ARHGAP42: variants seen among roughly 807,000 people sequenced by gnomAD.
ARHGAP42 encodes the protein rho GTPase-activating protein 42.
ARHGAP42 carries 63 observed loss-of-function variants against 125.0 expected under a neutral mutation model. That is an observed-to-expected ratio of 0.50 (90% confidence interval 0.41 to 0.62). ARHGAP42 has a LOEUF of 0.62. Among genes scored for constraint, ARHGAP42 ranks in the 20% least tolerant of loss-of-function variants. The pLI, the probability that ARHGAP42 is intolerant of heterozygous loss-of-function variation, is 0.00. For synonymous variants in ARHGAP42, 339 were observed against 351.0 expected (o/e 0.97, Z 0.38); for missense variants, 766 against 1,024.2 (o/e 0.75, Z 3.44).
intron 4 of ARHGAP42, among the ~76,000 whole-genome samples, chr11:100,887,239 C>CTGAGTA (rs1427507393): frequency 3.9e-5 from 6 of 152,162 alleles, no homozygotes; most frequent in Non-Finnish European, 7.3e-5. Flanking sequence ...GGACCCAGTA[C>CTGAGTA]CGTGCTGAGT....
At chr11:100,974,665 G>A (rs1858343172) in intron 19 of ARHGAP42, 62 bp downstream of exon 19, 2 of 1,440,600 alleles carry the variant, frequency 1.4e-6, no homozygotes, top group Non-Finnish European at 9.3e-7. Context: ...GTATTTCACT[G>A]TATTGGTAAT....
At chr11:100,780,610 A>G (rs1863286502) in intron 2 of ARHGAP42, among the ~76,000 whole-genome samples, 2 of 152,224 alleles carry the variant, frequency 1.3e-5, no homozygotes, top group Non-Finnish European at 2.9e-5. Flanking sequence ...TAAGAGCGAC[A>G]TTGTTAAAGC....
rs868261498 is a variant in ARHGAP42, at chr11:100,853,831, A to G, written c.313-5723A>G. ...TTACCCCTATTAACTGCTCTTCTACAGTTAATAAGCTTTGACATCAAGTAT... is the reference window on the plus strand; with the variant it reads ...TTACCCCTATTAACTGCTCTTCTACGGTTAATAAGCTTTGACATCAAGTAT... On this transcript the variant is annotated intron_variant, in intron 3 of 23. Transcript: ENST00000298815. Among the ~76,000 whole-genome samples, 4 of 152,196 alleles carry G rather than the reference A, an allele frequency of 2.6e-5. No homozygotes were observed. In the South Asian group the frequency reaches 8.3e-4, roughly 32 times the overall value.
At chr11:100,837,926 T>TTTTTATTGTATTTTA (rs1864849325) in intron 3 of ARHGAP42, among the ~76,000 whole-genome samples, 1 of 116,792 alleles carries the variant, frequency 8.6e-6, no homozygotes, top group African/African-American at 3.3e-5. Flanking sequence ...GTCTAACAGG[T>TTTTTATTGTATTTTA]TTTTATTTTA....
intron 3 of ARHGAP42, among the ~76,000 whole-genome samples, chr11:100,827,586 A>G (rs1217601850): frequency 1.3e-5 from 2 of 152,154 alleles, no homozygotes; most frequent in Non-Finnish European, 2.9e-5. Context: ...AGGATGGGAA[A>G]CCTCATCAGT....
At chr11:100,856,517 A>G (rs1865325934) in intron 3 of ARHGAP42, among the ~76,000 whole-genome samples, 1 of 151,996 alleles carries the variant, frequency 6.6e-6, no homozygotes, top group African/African-American at 2.4e-5. Flanking sequence ...GGCATTTTCC[A>G]TTTTGATCTC....
intron 6 of ARHGAP42, among the ~76,000 whole-genome samples, chr11:100,925,910 C>T (rs1419015114): frequency 6.6e-6 from 1 of 152,064 alleles, no homozygotes; most frequent in Non-Finnish European, 1.5e-5. Flanking sequence ...AGAAACATCT[C>T]CTGACTCTTG....
At chr11:100,792,541 T>A (rs943832470) in intron 2 of ARHGAP42, among the ~76,000 whole-genome samples, 8 of 152,232 alleles carry the variant, frequency 5.3e-5, no homozygotes, top group Non-Finnish European at 1.0e-4. Context: ...GGCTTCATAC[T>A]GTTTTCATAC....
chr11:100,816,579 A>C (rs2135068417), intron 3 of ARHGAP42: 1 of 152,396 alleles, frequency 6.6e-6, no homozygotes, highest in Non-Finnish European at 1.5e-5. Context: ...TAAATGATTA[A>C]GAATGATGAT....
intron 1 of ARHGAP42, among the ~76,000 whole-genome samples, chr11:100,752,720 G>A (rs2407750): frequency 0.25 from 38,559 of 152,178 alleles, 5,115 homozygotes; most frequent in Non-Finnish European, 0.29. Context: ...TTGGTTATAA[G>A]TAGTCTTAGT....
chr11:100,777,444 CTTTG>C lies in ARHGAP42; in HGVS notation c.250+7009_250+7012del, dbSNP rs1260335859. Among the ~76,000 whole-genome samples the C allele has an allele frequency of 2.2e-4, 34 of 152,050 alleles. 1 individual carries two copies. The highest frequency in any genetic ancestry group is 7.4e-5 in the Non-Finnish European group (5 of 68,006). Reference sequence around the variant, plus strand: ...GTGGTTGGAAAATCTCATTCAGTTTCTTTGTTAGAAGAGTGACTGTGTAAAAAGG... The same window carrying C: ...GTGGTTGGAAAATCTCATTCAGTTTCTTAGAAGAGTGACTGTGTAAAAAGG... On this transcript the variant is annotated intron_variant, in intron 2 of 23. Coordinates refer to ENST00000298815, the MANE Select transcript of ARHGAP42 (RefSeq NM_152432.4).
intron 3 of ARHGAP42, among the ~76,000 whole-genome samples, chr11:100,822,064 G>A (rs1031237637): frequency 8.5e-5 from 13 of 152,060 alleles, no homozygotes; most frequent in Admixed American, 3.3e-4. Context: ...GTGACTCTAA[G>A]GGAATCCTTC....
intron 12 of ARHGAP42, among the ~76,000 whole-genome samples, chr11:100,959,551 A>G (rs1204196101): frequency 6.6e-6 from 1 of 152,128 alleles, no homozygotes; most frequent in African/African-American, 2.4e-5. Context: ...GTTTCAATAC[A>G]TAATAAGGAT....
At chr11:100,805,506 A>G (rs1863966986) in intron 3 of ARHGAP42, among the ~76,000 whole-genome samples, 1 of 152,194 alleles carries the variant, frequency 6.6e-6, no homozygotes, top group African/African-American at 2.4e-5. Context: ...GGGTTCTTGG[A>G]CCTTGTGCAA....
intron 2 of ARHGAP42, among the ~76,000 whole-genome samples, chr11:100,782,650 CT>C (rs746395456): frequency 6.6e-6 from 1 of 151,592 alleles, no homozygotes; most frequent in Non-Finnish European, 1.5e-5. Context: ...GGATAGTTAT[CT>C]AGGAATAGGA....
At chr11:100,697,786 T>C (rs1271032407) in intron 1 of ARHGAP42, among the ~76,000 whole-genome samples, 2 of 152,202 alleles carry the variant, frequency 1.3e-5, no homozygotes, top group Non-Finnish European at 2.9e-5. Context: ...TTTAGTTCGC[T>C]GTTGTGAGAA....
At chr11:100,913,424 A>AT in intron 4 of ARHGAP42, 28 bp from the exon 5 acceptor site, 1 of 1,121,088 alleles carries the variant, frequency 8.9e-7, no homozygotes, top group Non-Finnish European at 1.2e-6. Flanking sequence ...TGAGTTAAAT[A>AT]TTTTTTGTTG....
At chr11:100,975,848 GA>G (rs34253004) in intron 19 of ARHGAP42, among the ~76,000 whole-genome samples, 4 of 152,098 alleles carry the variant, frequency 2.6e-5, no homozygotes, top group African/African-American at 9.7e-5. Context: ...AAATAGCATT[GA>G]AAAATACGTT....
At chr11:100,875,107 CTGTGTGTGTGTGTGTGTGTGTGTG>C (rs67247250) in intron 4 of ARHGAP42, among the ~76,000 whole-genome samples, 1 of 82,280 alleles carries the variant, frequency 1.2e-5, no homozygotes, top group Non-Finnish European at 2.4e-5. Context: ...CTCTCTCTCT[CTGTGTGTGTGTGTGTGTGTGTGTG>C]TGTGTGTGTG....
Sources: allele counts gnomAD v4.1 joint callset (sites outside exome capture counted in the v4.1 genomes callset), GRCh38; gene constraint gnomAD v4.1.1; transcripts MANE v1.5; gene names NCBI Gene and HGNC (gene_info 2026-07-23, HGNC 2026-07-21).